SREBF2: variants seen among roughly 807,000 people sequenced by gnomAD.
SREBF2 encodes the protein sterol regulatory element binding transcription factor 2.
In SREBF2, 55 loss-of-function variants were observed where a neutral mutation model predicts 113.1. The observed-to-expected ratio is 0.49, with a 90% CI of 0.39 to 0.61. SREBF2 has a LOEUF of 0.61. Ranked by LOEUF, SREBF2 falls within the 20% of genes least tolerant of loss-of-function variation. SREBF2 has a pLI of 0.00. For synonymous variants in SREBF2, 593 were observed against 605.7 expected (o/e 0.98, Z 0.31); for missense variants, 1,349 against 1,487.4 (o/e 0.91, Z 1.53).
At chr22:41,864,446 G>A (rs1255454380) in intron 1 of SREBF2, among the ~76,000 whole-genome samples, 5 of 148,566 alleles carry the variant, frequency 3.4e-5, no homozygotes, top group African/African-American at 7.5e-5. Context: ...TCAGCCTCCC[G>A]AGTAGCTTGG....
chr22:41,839,880 ATCT>A (rs757775371), intron 1 of SREBF2, among the ~76,000 whole-genome samples: 22 of 151,162 alleles, frequency 1.5e-4, no homozygotes, highest in African/African-American at 2.7e-4. Flanking sequence ...TCTTGGGTAG[ATCT>A]TCTACATTTT....
intron 1 of SREBF2, among the ~76,000 whole-genome samples, chr22:41,852,789 C>CT (rs961362792): frequency 4.4e-4 from 15 of 34,130 alleles, no homozygotes; most frequent in Non-Finnish European, 6.3e-4. Flanking sequence ...TCTTTTTGCT[C>CT]TTTTTGCCTA....
chr22:41,889,712 A>G (rs1043207235), intron 11 of SREBF2, among the ~76,000 whole-genome samples: 7 of 147,670 alleles, frequency 4.7e-5, no homozygotes, highest in Non-Finnish European at 1.0e-4. Context: ...AAAAAAAAAA[A>G]AAAAGAGGTT....
chr22:41,873,573 T>C (rs1319798499), intron 4 of SREBF2: 1 of 579,482 alleles, frequency 1.7e-6, no homozygotes, highest in Non-Finnish European at 3.1e-6. Flanking sequence ...AATCCTCTTG[T>C]GGTGTAGTTT....
At chr22:41,877,509 AC>A in intron 8 of SREBF2, 88 bp downstream of exon 8, 1 of 1,475,416 alleles carries the variant, frequency 6.8e-7, no homozygotes, top group Non-Finnish European at 9.3e-7. Context: ...TGGCTTGGCT[AC>A]CAGGTCCCAA....
At chr22:41,896,966 A>T (rs2077421808) in intron 13 of SREBF2, 86 bp from the exon 14 acceptor site, 1 of 926,968 alleles carries the variant, frequency 1.1e-6, no homozygotes, top group African/African-American at 1.6e-5. Context: ...ATTGGGTCTT[A>T]GAGCTGGAGA....
intron 1 of SREBF2, 131 bp from the exon 2 acceptor site, chr22:41,866,700 A>T: frequency 9.5e-7 from 1 of 1,054,572 alleles, no homozygotes; most frequent in Non-Finnish European, 1.5e-6. Flanking sequence ...AGAAAGAGGT[A>T]AGGGTTTCCT....
At chr22:41,895,748 T>A (rs1450256510) in intron 13 of SREBF2, among the ~76,000 whole-genome samples, 2 of 152,072 alleles carry the variant, frequency 1.3e-5, no homozygotes, top group African/African-American at 4.8e-5. Flanking sequence ...TGCACCCATT[T>A]TTATGTATCC....
chr22:41,846,188 G>A (rs1318691787), intron 1 of SREBF2, among the ~76,000 whole-genome samples: 3 of 152,356 alleles, frequency 2.0e-5, no homozygotes, highest in Non-Finnish European at 4.4e-5. Context: ...TTGGTGATAA[G>A]CAGCAGAAAC....
intron 14 of SREBF2, 100 bp from the exon 15 acceptor site, chr22:41,898,549 G>C: frequency 6.5e-7 from 1 of 1,537,576 alleles, no homozygotes; most frequent in Non-Finnish European, 8.9e-7. Context: ...AGCAGGCAAA[G>C]ATGTTACCCA....
intron 1 of SREBF2, among the ~76,000 whole-genome samples, chr22:41,859,217 G>C (rs994207959): frequency 6.6e-6 from 1 of 152,020 alleles, no homozygotes; most frequent in Non-Finnish European, 1.5e-5. Flanking sequence ...ACAATGAAAA[G>C]GCACTTTGGC....
rs5758490 is a variant in SREBF2, at chr22:41,845,811, G to C, written c.88+12453G>C. 1.6e-4 allele frequency among the ~76,000 whole-genome samples: 24 copies of C among 152,336 alleles called. No homozygotes were observed. The East Asian group carries it at 4.6e-3, about 29-fold the overall frequency. On this transcript the variant is annotated intron_variant, in intron 1 of 18. Transcript: ENST00000361204. ...GCATGCTCTAGGAATATGTGTGTCA[G>C]AGTACTGCATAGGACAGAGGTTCTC...
chr22:41,878,614 T>A lies in SREBF2; in HGVS notation c.1761+491T>A, dbSNP rs1039917644. 2.0e-5 allele frequency: 25 copies of A among 1,236,856 alleles called. No individual in the cohort carries two copies. In the African/African-American group the frequency reaches 2.9e-4, roughly 15 times the overall value. The allele number at this position is 1,236,856 out of a possible 1,614,324, so 76.6% of individuals were successfully genotyped here. ...ATTCTCTATAGAACCAGGAAAGGTT[T>A]TTGAGCAGGAAAACTAGCTGAAAGT... On this transcript the variant is annotated intron_variant, in intron 9 of 18. Coordinates refer to ENST00000361204, the MANE Select transcript of SREBF2 (RefSeq NM_004599.4).
chr22:41,845,725 A>C (rs144881738), intron 1 of SREBF2, among the ~76,000 whole-genome samples: 8 of 152,336 alleles, frequency 5.3e-5, no homozygotes, highest in African/African-American at 1.9e-4. Context: ...GGATTTTAGA[A>C]GGTAAAGGAG....
intron 17 of SREBF2, 71 bp from the exon 18 acceptor site, chr22:41,904,792 G>A: frequency 7.8e-7 from 1 of 1,278,262 alleles, no homozygotes; most frequent in South Asian, 1.3e-5. Flanking sequence ...AGATGGCTCA[G>A]GGAGAGCTAC....
chr22:41,876,436 A>T (rs1049668695), intron 7 of SREBF2, among the ~76,000 whole-genome samples: 5 of 152,228 alleles, frequency 3.3e-5, no homozygotes, highest in African/African-American at 1.2e-4. Context: ...CTGTTTGGCA[A>T]CAACAGGCTG....
At chr22:41,874,339 A>C (rs535844274) in intron 5 of SREBF2, among the ~76,000 whole-genome samples, 2 of 152,240 alleles carry the variant, frequency 1.3e-5, no homozygotes, top group East Asian at 1.9e-4. Flanking sequence ...GACTGTGTGT[A>C]CCTTGGAGTC....
At position 41,904,951 on chromosome 22, in the gene SREBF2, G is replaced by A. The variant is rs770353021; in HGVS notation, c.3182G>A (p.Arg1061His). The part of the protein sequence containing the change: ...HQLLEHSLRR[R>H]TTQSTKHGEV... Reference sequence around the variant, plus strand: ...CTGCTGGAACACAGCCTGCGGCGGCGCACCACGCAGAGCACCAAGCACGGT... The same window carrying A: ...CTGCTGGAACACAGCCTGCGGCGGCACACCACGCAGAGCACCAAGCACGGT... Residue 1061 changes from arginine to histidine, a missense_variant, in exon 18 of 19, where the codon CGC becomes CAC. By Grantham distance (29) the Arg-to-His change is conservative. Coordinates refer to ENST00000361204, the MANE Select transcript of SREBF2 (RefSeq NM_004599.4). The A allele has an allele frequency of 2.4e-5, 39 of 1,598,932 alleles. No homozygotes were observed. Among genetic ancestry groups the A allele is most frequent in the South Asian group, 1.1e-4 (10 of 89,580 alleles).
At chr22:41,883,164 C>A (rs1470686080) in intron 10 of SREBF2, among the ~76,000 whole-genome samples, 3 of 152,140 alleles carry the variant, frequency 2.0e-5, no homozygotes, top group Admixed American at 1.3e-4. Flanking sequence ...TGAGGAGACA[C>A]TGAGATGCTA....
Sources: gnomAD v4.1 joint callset for allele counts (sites outside exome capture counted in the v4.1 genomes callset) on GRCh38, gnomAD v4.1.1 for gene constraint, MANE v1.5 for transcripts, NCBI Gene and HGNC (gene_info 2026-07-23, HGNC 2026-07-21) for gene names.